DDX23: variants seen among roughly 807,000 people sequenced by gnomAD.
DDX23 encodes DEAD-box helicase 23, also known as probable ATP-dependent RNA helicase DDX23.
Under a neutral mutation model 102.7 loss-of-function variants are expected in DDX23, and 33 were observed. The ratio of observed to expected loss-of-function variants is 0.32; its 90% CI spans 0.24 to 0.43. The LOEUF (loss-of-function observed/expected upper bound fraction) is 0.43. DDX23 is among the 20% of genes least tolerant of loss of function. The pLI, the probability that DDX23 is intolerant of heterozygous loss-of-function variation, is 1.00. For missense variants in DDX23, 549 were observed against 1,086.6 expected (o/e 0.51, Z 6.96); for synonymous variants, 352 against 376.0 (o/e 0.94, Z 0.74).
chr12:48,844,879 G>A (rs1025221501), intron 2 of DDX23, among the ~76,000 whole-genome samples: 1 of 151,678 alleles, frequency 6.6e-6, no homozygotes, highest in Admixed American at 6.6e-5. Flanking sequence ...CTAGCCGGGC[G>A]TGGTGGCTCA....
chr12:48,842,244 C>T (rs1466388297), intron 3 of DDX23, among the ~76,000 whole-genome samples: 2 of 150,108 alleles, frequency 1.3e-5, no homozygotes, highest in African/African-American at 4.9e-5. Flanking sequence ...TCCCCCCACC[C>T]GGCCAGCCGC....
intron 2 of DDX23, among the ~76,000 whole-genome samples, chr12:48,845,246 C>T (rs776862263): frequency 1.2e-4 from 18 of 151,576 alleles, no homozygotes; most frequent in Middle Eastern, 3.5e-3. Context: ...GTCAGGAGAT[C>T]GAGACCATCC....
intron 2 of DDX23, 44 bp from the exon 3 acceptor site, chr12:48,844,094 T>C: frequency 6.3e-7 from 1 of 1,593,878 alleles, no homozygotes; most frequent in Non-Finnish European, 8.6e-7. Context: ...ATTTCCAAAG[T>C]ATCTTGCTTC....
Position 48,845,571 on chromosome 12 carries a change from T to C in DDX23, c.209+3A>G. ...CATGTAATAACATACAAAGTTACTT[T>C]ACCTTTCTGCAGATTTGGAACGGGA... On this transcript the variant is annotated splice_donor_region_variant and intron_variant, in intron 2 of 16. Coordinates refer to ENST00000308025, the MANE Select transcript of DDX23 (RefSeq NM_004818.3). 1 of 1,614,224 alleles carries C rather than the reference T, an allele frequency of 6.2e-7. No individual in the cohort carries two copies. Among genetic ancestry groups the C allele is most frequent in the South Asian group, 1.1e-5 (1 of 91,084 alleles).
intron 12 of DDX23, 21 bp downstream of exon 12, chr12:48,834,299 C>T (rs768495451): frequency 5.6e-6 from 9 of 1,594,346 alleles, no homozygotes; most frequent in South Asian, 3.4e-5. Context: ...AGCAGGCTGG[C>T]TGCTAGATAG....
chr12:48,845,486 T>C (rs1592204886), intron 2 of DDX23, 88 bp downstream of exon 2: 2 of 1,431,534 alleles, frequency 1.4e-6, no homozygotes, highest in East Asian at 4.6e-5. Context: ...AGTAGATGCC[T>C]AATACTGGAG....
At chr12:48,837,233 G>A in intron 8 of DDX23, 48 bp downstream of exon 8, 1 of 1,594,046 alleles carries the variant, frequency 6.3e-7, no homozygotes, top group Non-Finnish European at 8.6e-7. Flanking sequence ...CAGCTCTCTA[G>A]GACTGCCTAG....
At chr12:48,849,029 C>T (rs959474992) in intron 1 of DDX23, among the ~76,000 whole-genome samples, 1 of 152,056 alleles carries the variant, frequency 6.6e-6, no homozygotes, top group African/African-American at 2.4e-5. Flanking sequence ...GGATAACAAG[C>T]ATGAGCCACC....
At chr12:48,843,561 TTTTTTGAGACAGAGTCTTG>T (rs1415845911) in intron 3 of DDX23, among the ~76,000 whole-genome samples, 3 of 147,758 alleles carry the variant, frequency 2.0e-5, no homozygotes, top group African/African-American at 7.4e-5. Context: ...TTTTTTTTTT[TTTTTTGAGACAGAGTCTTG>T]CTCTGTCGCC....
chr12:48,836,870 G>C lies in DDX23; in HGVS notation c.1010+24C>G, dbSNP rs372308767. ...CTGTAGAGCCTCTGGGCTCTGTCCA[G>C]CCACCCTAGCCTTGATCACTCACTC... On this transcript the variant is annotated intron_variant, in intron 9 of 16. Coordinates refer to ENST00000308025, the MANE Select transcript of DDX23 (RefSeq NM_004818.3). This position sits in a 1 kb window ranked among gnomAD's most constrained non-coding sequence, Gnocchi z 6.1. The C allele has an allele frequency of 2.9e-5, 47 of 1,613,674 alleles. No individual in the cohort carries two copies. The highest frequency in any genetic ancestry group is 5.3e-5 in the African/African-American group (4 of 74,896).
chr12:48,837,774 A>G, intron 6 of DDX23, 117 bp from the exon 7 acceptor site: 5 of 1,529,042 alleles, frequency 3.3e-6, no homozygotes, highest in Non-Finnish European at 4.4e-6. Flanking sequence ...GACTTATGAT[A>G]TGGGGTAAAT....
At position 48,843,964 on chromosome 12, in the gene DDX23, C is replaced by A; in HGVS notation, c.296G>T (p.Arg99Leu). 6.2e-7 allele frequency: 1 copy of A among 1,614,156 alleles called. No individual in the cohort carries two copies. The highest frequency in any genetic ancestry group is 8.5e-7 in the Non-Finnish European group (1 of 1,180,008). ...DRDRDKDGHR[R>L]DKDRKRSSLS... ...CCTGGATCGTTTACGGTCCTTGTCC[C>A]GTCTGTGCCCATCCTTGTCTCGATC... is the stretch of plus-strand genomic sequence containing the variant. Residue 99 changes from arginine (R) to leucine (L), a missense_variant, in exon 3 of 17, where the codon CGG (arginine) becomes CTG (leucine). Arg to Leu is a moderately radical substitution (Grantham distance 102, BLOSUM62 -2). Around this residue, in one of 4 missense-constraint regions of DDX23, gnomAD observed 241 missense variants for 267.0 expected, o/e 0.90. Coordinates refer to ENST00000308025, the MANE Select transcript of DDX23 (RefSeq NM_004818.3).
intron 11 of DDX23, among the ~76,000 whole-genome samples, chr12:48,835,448 G>A (rs1272327869): frequency 1.3e-5 from 2 of 152,074 alleles, no homozygotes; most frequent in African/African-American, 4.8e-5. Context: ...ACTGGCTCAC[G>A]CCTGTAATTC....
At chr12:48,850,546 A>T (rs1938739670) in intron 1 of DDX23, among the ~76,000 whole-genome samples, 1 of 152,214 alleles carries the variant, frequency 6.6e-6, no homozygotes, top group Non-Finnish European at 1.5e-5. Context: ...GGGACACTAA[A>T]TGATATTACC....
Position 48,840,048 on chromosome 12 carries a change from CCTT to C in DDX23, c.376_378del (p.Lys126del). The C allele has an allele frequency of 1.9e-6, 3 of 1,614,216 alleles. No individual in the cohort carries two copies. The highest frequency in any genetic ancestry group is 2.5e-6 in the Non-Finnish European group (3 of 1,180,030). On this transcript the variant is annotated inframe_deletion, in exon 4 of 17. Coordinates refer to ENST00000308025, the MANE Select transcript of DDX23 (RefSeq NM_004818.3). ...TTATCACCATGTTCATCCTCTTCAT[CCTT>C]CTTAGAGTCTCTGTCCTTCCGAGAT...
chr12:48,842,709 T>C (rs1938586665), intron 3 of DDX23, among the ~76,000 whole-genome samples: 1 of 147,874 alleles, frequency 6.8e-6, no homozygotes, highest in East Asian at 2.0e-4. Context: ...AGCCGCCCCG[T>C]CCAGGAGGTG....
intron 1 of DDX23, among the ~76,000 whole-genome samples, chr12:48,847,695 G>A (rs1194280501): frequency 6.6e-6 from 1 of 151,838 alleles, no homozygotes; most frequent in Non-Finnish European, 1.5e-5. Flanking sequence ...CACGCATGGT[G>A]GTACACGCTA....
chr12:48,841,758 C>T (rs1040254027), intron 3 of DDX23, among the ~76,000 whole-genome samples: 3 of 152,260 alleles, frequency 2.0e-5, no homozygotes, highest in African/African-American at 4.8e-5. Context: ...CGCGTTCACT[C>T]AGTGCTCAAT....
chr12:48,838,315 C>G (rs1422844047), intron 5 of DDX23, among the ~76,000 whole-genome samples: 1 of 152,122 alleles, frequency 6.6e-6, no homozygotes, highest in Non-Finnish European at 1.5e-5. Context: ...TTTTATGAGA[C>G]CTAGATGGGA....
Sources: gnomAD v4.1 joint callset for allele counts (sites outside exome capture counted in the v4.1 genomes callset) on GRCh38, gnomAD v4.1.1 for gene constraint, gnomAD v4.1.1 regional missense constraint, Gnocchi (gnomAD v3.1) non-coding constraint, MANE v1.5 for transcripts, NCBI Gene and HGNC (gene_info 2026-07-23, HGNC 2026-07-21) for gene names.